The following NXN variants were observed in gnomAD, a reference collection of about 807,000 sequenced individuals.
The protein encoded by NXN is nucleoredoxin 1.
Under a neutral mutation model 48.6 loss-of-function variants are expected in NXN, and 16 were observed. That is an observed-to-expected ratio of 0.33 (90% CI 0.22 to 0.50). The LOEUF (loss-of-function observed/expected upper bound fraction) is 0.50, where lower values mean the gene tolerates loss of function less well. NXN is among the 20% of genes least tolerant of loss of function. The probability of loss-of-function intolerance (pLI) is 0.98; values close to 1 mark genes in which losing one functional copy is unlikely to be tolerated. For synonymous variants in NXN, 281 were observed against 269.6 expected (o/e 1.04, Z -0.41); for missense variants, 492 against 605.5 (o/e 0.81, Z 1.97).
chr17:840,925 A>C (rs1914134833), intron 1 of NXN, among the ~76,000 whole-genome samples: 1 of 152,180 alleles, frequency 6.6e-6, no homozygotes, highest in Non-Finnish European at 1.5e-5. Flanking sequence ...GCCTTTCTCC[A>C]AGGGGGCCGC....
intron 1 of NXN, among the ~76,000 whole-genome samples, chr17:844,583 TTC>T (rs1344128467): frequency 6.6e-6 from 1 of 152,014 alleles, no homozygotes; most frequent in African/African-American, 2.4e-5. Flanking sequence ...TTTTTTTCTT[TTC>T]TTTTTTTTCT....
At chr17:864,070 G>C (rs2068069879) in intron 1 of NXN, 5 of 1,465,514 alleles carry the variant, frequency 3.4e-6, no homozygotes, top group Non-Finnish European at 4.5e-6. Flanking sequence ...CCGGTGAAGG[G>C]GCACAGTTAC....
intron 1 of NXN, among the ~76,000 whole-genome samples, chr17:872,787 A>G (rs2068173046): frequency 6.6e-6 from 1 of 151,712 alleles, no homozygotes; most frequent in Non-Finnish European, 1.5e-5. Flanking sequence ...CGTCCAGCTA[A>G]TTTTTGTATT....
intron 1 of NXN, among the ~76,000 whole-genome samples, chr17:937,972 G>T (rs1049991740): frequency 1.3e-5 from 2 of 152,250 alleles, no homozygotes; most frequent in Admixed American, 1.3e-4. Context: ...GGGCGCAGGG[G>T]CCGTCGCTGA....
intron 1 of NXN, among the ~76,000 whole-genome samples, chr17:953,757 G>A (rs1054692722): frequency 2.6e-5 from 4 of 152,132 alleles, no homozygotes; most frequent in African/African-American, 9.7e-5. Flanking sequence ...GCAACATAGT[G>A]AGACCCCCAT....
intron 1 of NXN, among the ~76,000 whole-genome samples, chr17:860,945 T>C (rs1453760972): frequency 1.3e-5 from 2 of 152,202 alleles, no homozygotes; most frequent in South Asian, 4.1e-4. Flanking sequence ...AAAAGAAAGT[T>C]TGAACTTGAC....
At chr17:948,423 C>T (rs9894911) in intron 1 of NXN, among the ~76,000 whole-genome samples, 1 of 151,950 alleles carries the variant, frequency 6.6e-6, no homozygotes, top group Non-Finnish European at 1.5e-5. Context: ...TATGTAAATG[C>T]TATTTTATAT....
At chr17:811,205 C>T (rs1242228586) in intron 5 of NXN, among the ~76,000 whole-genome samples, 2 of 152,180 alleles carry the variant, frequency 1.3e-5, no homozygotes, top group East Asian at 1.9e-4. Flanking sequence ...GCCCTCACCC[C>T]GGCCGCCCGG....
At position 860,640 on chromosome 17, in the gene NXN, C is replaced by G. The variant is rs1159978443; in HGVS notation, c.361-34562G>C. ...AACTCCTGACCTCAGGTGATCCACC[C>G]ACCTTGGCCTCCCAAAGTGCTGGGA... On this transcript the variant is annotated intron_variant, in intron 1 of 7. Coordinates refer to ENST00000336868, the MANE Select transcript of NXN (RefSeq NM_022463.5). Among the ~76,000 whole-genome samples the G allele has an allele frequency of 2.6e-5, 4 of 151,286 alleles. No homozygotes were observed. In the East Asian group the frequency reaches 7.9e-4, roughly 30 times the overall value.
intron 1 of NXN, among the ~76,000 whole-genome samples, chr17:913,001 A>T (rs540389769): frequency 6.6e-6 from 1 of 151,938 alleles, no homozygotes; most frequent in Non-Finnish European, 1.5e-5. Flanking sequence ...AGAAAAGAAA[A>T]ATAGCACTTT....
At chr17:946,877 C>T (rs1442625336) in intron 1 of NXN, among the ~76,000 whole-genome samples, 1 of 152,220 alleles carries the variant, frequency 6.6e-6, no homozygotes, top group African/African-American at 2.4e-5. Context: ...CAGTCCCTGG[C>T]ACGGGGAGGT....
chr17:898,354 C>A (rs2068509104), intron 1 of NXN, among the ~76,000 whole-genome samples: 1 of 151,432 alleles, frequency 6.6e-6, no homozygotes. Flanking sequence ...AGCTCCCCTG[C>A]CTGGAACACC....
chr17:887,396 A>T (rs994324319), intron 1 of NXN, among the ~76,000 whole-genome samples: 1 of 152,084 alleles, frequency 6.6e-6, no homozygotes, highest in Non-Finnish European at 1.5e-5. Context: ...GCCGTTCATG[A>T]GCTCTTGTCA....
rs2150629374 is a variant in NXN at position 961,578 on chromosome 17, G to C, written c.360+17741C>G. On this transcript the variant is annotated intron_variant, in intron 1 of 7. Transcript: ENST00000336868. ...TTAACAGTTTTGTCCTAACCTACAG[G>C]ATGTACATTTCATCTGCATTTATGA... Among the ~76,000 whole-genome samples the C allele has an allele frequency of 2.0e-5, 3 of 152,198 alleles. No individual in the cohort carries two copies. The Middle Eastern group carries it at 0.01, about 518-fold the overall frequency.
intron 1 of NXN, chr17:959,208 T>C (rs1337650686): frequency 7.7e-6 from 8 of 1,034,580 alleles, no homozygotes; most frequent in South Asian, 2.2e-5. Flanking sequence ...CCAGTACGTG[T>C]GTCAGCAGAC....
At chr17:868,356 T>C (rs1219413209) in intron 1 of NXN, among the ~76,000 whole-genome samples, 1 of 152,108 alleles carries the variant, frequency 6.6e-6, no homozygotes, top group Non-Finnish European at 1.5e-5. Context: ...CCTGACCGTA[T>C]CTCCCTCGAA....
chr17:830,603 G>GT lies in NXN; in HGVS notation c.361-4526dup, dbSNP rs1913402771. On this transcript the variant is annotated intron_variant, in intron 1 of 7. Transcript: ENST00000336868. The surrounding 1 kb of genome is among the most constrained non-coding windows in gnomAD (Gnocchi z 4.2). ...AACCAGGGGCGGCGGCTGTGATGAG[G>GT]TCAGAGATCATCATAAGATTTGTGA... Among the ~76,000 whole-genome samples, 1 of 152,194 alleles carries GT rather than the reference G, an allele frequency of 6.6e-6. No homozygotes were observed. The highest frequency in any genetic ancestry group is 2.1e-4 in the South Asian group (1 of 4,828).
chr17:829,553 A>G (rs904768730), intron 1 of NXN, among the ~76,000 whole-genome samples: 1 of 150,970 alleles, frequency 6.6e-6, no homozygotes, highest in African/African-American at 2.4e-5. Context: ...TGCTGCACCC[A>G]TCAACCTGTC....
At position 840,429 on chromosome 17, in the gene NXN, T is replaced by G. The variant is rs373501675; in HGVS notation, c.361-14351A>C. ...ATCTCGGCTCATTGCAAGCTCCACCTCCCGGGTTCACACCATTCTCCTGCC... is the reference window on the plus strand; with the variant it reads ...ATCTCGGCTCATTGCAAGCTCCACCGCCCGGGTTCACACCATTCTCCTGCC... On this transcript the variant is annotated intron_variant, in intron 1 of 7. Transcript: ENST00000336868. Among the ~76,000 whole-genome samples, 528 of 151,896 alleles carry G rather than the reference T, an allele frequency of 3.5e-3. 2 individuals are homozygous for G. The highest frequency in any genetic ancestry group is 0.012 in the African/African-American group (488 of 41,438).
Sources: allele counts gnomAD v4.1 joint callset (sites outside exome capture counted in the v4.1 genomes callset), GRCh38; gene constraint gnomAD v4.1.1; non-coding constraint Gnocchi (gnomAD v3.1); transcripts MANE v1.5; gene names NCBI Gene and HGNC (gene_info 2026-07-23, HGNC 2026-07-21).